EIF4G3: variants seen among roughly 807,000 people sequenced by gnomAD.
The protein encoded by EIF4G3 is eIF-4-gamma 3.
In EIF4G3, 34 loss-of-function variants were observed where a neutral mutation model predicts 186.4. That is an observed-to-expected ratio of 0.18 (90% CI 0.14 to 0.24). The LOEUF (loss-of-function observed/expected upper bound fraction) is 0.24, where lower values mean the gene tolerates loss of function less well. Ranked by LOEUF, EIF4G3 falls within the 10% of genes least tolerant of loss-of-function variation. The pLI is 1.00. For synonymous variants in EIF4G3, 673 were observed against 679.5 expected, an observed-to-expected ratio of 0.99 and a Z score of 0.15; for missense variants, 1,536 against 1,948.5, an observed-to-expected ratio of 0.79 and a Z score of 3.99.
At position 21,086,918 on chromosome 1, in the gene EIF4G3, AAC is replaced by A. The variant is rs768676207; in HGVS notation, c.-196+2218_-196+2219del. 2.0e-4 allele frequency among the ~76,000 whole-genome samples: 30 copies of A among 151,244 alleles called. No individual in the cohort carries two copies. In the South Asian group the frequency reaches 5.9e-3, roughly 30 times the overall value. On this transcript the variant is annotated intron_variant, in intron 3 of 36. Coordinates refer to ENST00000602326, the MANE Select transcript of EIF4G3 (RefSeq NM_001391906.1). ...CGAGCCACGGCACTCCAGCCTGGGC[AAC>A]AGAGTGAGATTCCTTCTCAAAAAAA...
chr1:21,136,779 T>C (rs1386160361), intron 2 of EIF4G3, among the ~76,000 whole-genome samples: 1 of 152,160 alleles, frequency 6.6e-6, no homozygotes, highest in African/African-American at 2.4e-5. Flanking sequence ...TGATTCTTTC[T>C]GAAAGCAGAC....
chr1:20,969,022 C>G (rs1356440381), intron 12 of EIF4G3, among the ~76,000 whole-genome samples: 3 of 152,174 alleles, frequency 2.0e-5, no homozygotes, highest in African/African-American at 7.2e-5. Context: ...TGTTATACAT[C>G]CTAATATGCT....
chr1:21,062,693 G>A (rs1341590075), intron 3 of EIF4G3, among the ~76,000 whole-genome samples: 3 of 151,976 alleles, frequency 2.0e-5, no homozygotes, highest in African/African-American at 4.8e-5. Flanking sequence ...GGGTTCAAGC[G>A]ATTCTCCTGC....
At chr1:21,155,391 G>A (rs941745751) in intron 2 of EIF4G3, among the ~76,000 whole-genome samples, 13 of 151,882 alleles carry the variant, frequency 8.6e-5, no homozygotes, top group African/African-American at 2.7e-4. Context: ...GGATAGTAAT[G>A]GAGTTTATCA....
Position 21,014,508 on chromosome 1 carries a change from T to C in EIF4G3, c.-66-11700A>G, listed in dbSNP as rs542038792. 3.3e-5 allele frequency among the ~76,000 whole-genome samples: 5 copies of C among 152,330 alleles called. No individual in the cohort carries two copies. The East Asian group carries it at 5.8e-4, about 18-fold the overall frequency. ...GTCAAGTAGGCCCCAAGGTCTGTTGTTCCTTTCTTTGCATCCATGTGTACT... is the reference window on the plus strand; with the variant it reads ...GTCAAGTAGGCCCCAAGGTCTGTTGCTCCTTTCTTTGCATCCATGTGTACT... On this transcript the variant is annotated intron_variant, in intron 4 of 36. Coordinates refer to ENST00000602326, the MANE Select transcript of EIF4G3 (RefSeq NM_001391906.1).
chr1:20,882,786 G>A (rs898866216), intron 19 of EIF4G3, among the ~76,000 whole-genome samples: 1 of 151,088 alleles, frequency 6.6e-6, no homozygotes, highest in African/African-American at 2.4e-5. Flanking sequence ...ATAGATTTAA[G>A]ACCCTCTTTC....
chr1:21,144,570 T>C (rs1355221322), intron 2 of EIF4G3, among the ~76,000 whole-genome samples: 2 of 152,152 alleles, frequency 1.3e-5, no homozygotes, highest in African/African-American at 4.8e-5. Flanking sequence ...GCTTCAATCA[T>C]TTTTATGGAT....
intron 14 of EIF4G3, among the ~76,000 whole-genome samples, chr1:20,933,594 T>C (rs12069648): frequency 1.3e-5 from 2 of 151,936 alleles, no homozygotes; most frequent in Non-Finnish European, 2.9e-5. Context: ...GGCGGAAGGT[T>C]GCAGTGAGCT....
chr1:21,037,320 T>C (rs1048326131), intron 4 of EIF4G3, among the ~76,000 whole-genome samples: 7 of 152,130 alleles, frequency 4.6e-5, no homozygotes, highest in Non-Finnish European at 1.0e-4. Context: ...AAAATTTCAT[T>C]TACAGCTAGT....
At chr1:21,077,409 A>G (rs1038737230) in intron 3 of EIF4G3, among the ~76,000 whole-genome samples, 3 of 151,946 alleles carry the variant, frequency 2.0e-5, no homozygotes, top group Admixed American at 2.0e-4. Context: ...TAGAAAAAAA[A>G]AAAAAGAAAA....
At chr1:20,876,313 TAGAG>T (rs1407004823) in intron 20 of EIF4G3, among the ~76,000 whole-genome samples, 3 of 136,094 alleles carry the variant, frequency 2.2e-5, no homozygotes, top group African/African-American at 5.6e-5. Context: ...GAGAGAGAGA[TAGAG>T]AGAGAAGAGA....
intron 14 of EIF4G3, among the ~76,000 whole-genome samples, chr1:20,905,906 TATAAG>T (rs1198108723): frequency 1.3e-5 from 2 of 152,128 alleles, no homozygotes; most frequent in African/African-American, 4.8e-5. Context: ...CCTACAGAAA[TATAAG>T]ATAATTCACT....
chr1:21,051,954 C>T lies in EIF4G3; in HGVS notation c.-195-960G>A, dbSNP rs182892109. ...TATTTCTATATACATTATTTGTTTA[C>T]GTATGCATATAATACACACACATAC... On this transcript the variant is annotated intron_variant, in intron 3 of 36. Transcript: ENST00000602326. Among the ~76,000 whole-genome samples, 45 of 152,132 alleles carry T rather than the reference C, an allele frequency of 3.0e-4. No homozygotes were observed. The East Asian group carries it at 3.5e-3, about 12-fold the overall frequency.
At chr1:20,946,522 T>G (rs1573321054) in intron 13 of EIF4G3, among the ~76,000 whole-genome samples, 2 of 152,192 alleles carry the variant, frequency 1.3e-5, no homozygotes, top group East Asian at 3.9e-4. Flanking sequence ...TTGGCCTTCA[T>G]GTAAATATTC....
chr1:20,967,661 C>T (rs904733039), intron 12 of EIF4G3, among the ~76,000 whole-genome samples: 2 of 152,172 alleles, frequency 1.3e-5, no homozygotes, highest in African/African-American at 2.4e-5. Flanking sequence ...CAACAAAGGA[C>T]CAAAATTAAG....
chr1:21,014,675 C>T (rs1040886601), intron 4 of EIF4G3, among the ~76,000 whole-genome samples: 5 of 143,438 alleles, frequency 3.5e-5, no homozygotes, highest in Non-Finnish European at 7.5e-5. Flanking sequence ...TATGCTGTCA[C>T]CCTGGCTGGA....
chr1:21,083,037 C>CAAAAAAAAAAAAAAAAAAAAAAAAAAAA (rs544781256), intron 3 of EIF4G3, among the ~76,000 whole-genome samples: 2 of 66,432 alleles, frequency 3.0e-5, no homozygotes, highest in African/African-American at 8.0e-5. Flanking sequence ...GACTCTGTCT[C>CAAAAAAAAAAAAAAAAAAAAAAAAAAAA]AAAAAAAAAA....
chr1:21,003,607 T>C (rs562330529), intron 4 of EIF4G3: 1 of 310,822 alleles, frequency 3.2e-6, no homozygotes, highest in South Asian at 3.1e-5. Flanking sequence ...AGGTCCATGA[T>C]GCCAGCTAAG....
intron 23 of EIF4G3, among the ~76,000 whole-genome samples, chr1:20,861,952 C>G (rs1158184260): frequency 1.3e-5 from 2 of 151,330 alleles, no homozygotes; most frequent in African/African-American, 4.9e-5. Flanking sequence ...CCAGCCTGGG[C>G]GACAGAGTGA....
Sources: gnomAD v4.1 joint callset for allele counts (sites outside exome capture counted in the v4.1 genomes callset) on GRCh38, gnomAD v4.1.1 for gene constraint, MANE v1.5 for transcripts, NCBI Gene and HGNC (gene_info 2026-07-23, HGNC 2026-07-21) for gene names.